Variants in CTNNA2 observed in about 807,000 individuals in gnomAD.
CTNNA2 encodes the protein catenin alpha-2.
CTNNA2 carries 42 observed loss-of-function variants against 101.0 expected under a neutral mutation model. The observed-to-expected ratio is 0.42, with a 90% CI of 0.32 to 0.54. The LOEUF (loss-of-function observed/expected upper bound fraction) is 0.54. Among genes scored for constraint, CTNNA2 ranks in the 20% least tolerant of loss-of-function variants. CTNNA2 has a pLI of 0.14. For synonymous variants in CTNNA2, 450 were observed against 456.4 expected (o/e 0.99, Z 0.18); for missense variants, 871 against 1,223.1 (o/e 0.71, Z 4.29).
At chr2:79,219,258 G>A (rs1674309200) in intron 2 of CTNNA2, among the ~76,000 whole-genome samples, 1 of 152,080 alleles carries the variant, frequency 6.6e-6, no homozygotes, top group Non-Finnish European at 1.5e-5. Context: ...TTTGTTCAGT[G>A]TTATAAATTA....
intron 2 of CTNNA2, among the ~76,000 whole-genome samples, chr2:79,711,196 T>A (rs992267824): frequency 2.0e-5 from 3 of 152,212 alleles, no homozygotes; most frequent in Non-Finnish European, 2.9e-5. Context: ...GTCTCTCAAC[T>A]GATATTATTT....
At chr2:79,695,003 C>T (rs1684562782) in intron 2 of CTNNA2, among the ~76,000 whole-genome samples, 1 of 150,138 alleles carries the variant, frequency 6.7e-6, no homozygotes, top group African/African-American at 2.5e-5. Flanking sequence ...GGTCTCAAGG[C>T]CGTATGAAAC....
intron 7 of CTNNA2, among the ~76,000 whole-genome samples, chr2:80,365,735 T>C (rs1358792291): frequency 6.6e-6 from 1 of 152,154 alleles, no homozygotes; most frequent in South Asian, 2.1e-4. Flanking sequence ...ACACTTACCA[T>C]TGTCATCTGA....
chr2:79,425,050 TAGAC>T (rs1032528995), intron 4 of CTNNA2, among the ~76,000 whole-genome samples: 23 of 152,100 alleles, frequency 1.5e-4, no homozygotes, highest in Admixed American at 2.0e-4. Flanking sequence ...TTTGGGCTGT[TAGAC>T]AGAGGGGAAA....
chr2:80,496,982 G>A (rs1687525558), intron 9 of CTNNA2, among the ~76,000 whole-genome samples: 1 of 152,148 alleles, frequency 6.6e-6, no homozygotes, highest in South Asian at 2.1e-4. Flanking sequence ...TGACTCAGGA[G>A]AAGCATGAAC....
chr2:79,777,341 G>GTA (rs1221888316), intron 3 of CTNNA2, among the ~76,000 whole-genome samples: 3 of 97,132 alleles, frequency 3.1e-5, no homozygotes, highest in Admixed American at 1.9e-4. Flanking sequence ...GTGTGTGTGT[G>GTA]TGTGTGTGTG....
intron 16 of CTNNA2, among the ~76,000 whole-genome samples, chr2:80,605,830 T>C (rs949844912): frequency 6.6e-6 from 1 of 151,968 alleles, no homozygotes; most frequent in East Asian, 1.9e-4. Context: ...GCTTATTGGT[T>C]GAGATAACTC....
At chr2:79,975,351 C>G (rs1054494282) in intron 7 of CTNNA2, among the ~76,000 whole-genome samples, 1 of 152,158 alleles carries the variant, frequency 6.6e-6, no homozygotes, top group East Asian at 1.9e-4. Context: ...TCTACTGTCA[C>G]AACACCGTCA....
intron 9 of CTNNA2, among the ~76,000 whole-genome samples, chr2:80,537,132 G>A (rs1190188104): frequency 5.3e-5 from 8 of 151,836 alleles, no homozygotes; most frequent in African/African-American, 1.9e-4. Flanking sequence ...GTGTCCATGT[G>A]TTGTCATTGT....
chr2:79,789,643 G>C (rs1013866453), intron 3 of CTNNA2, among the ~76,000 whole-genome samples: 1 of 152,000 alleles, frequency 6.6e-6, no homozygotes, highest in African/African-American at 2.4e-5. Flanking sequence ...GATGAGAATT[G>C]TATCTATGTG....
intron 3 of CTNNA2, among the ~76,000 whole-genome samples, chr2:79,796,003 T>C (rs116477194): frequency 1.6e-3 from 243 of 152,312 alleles, no homozygotes; most frequent in African/African-American, 5.4e-3. Flanking sequence ...TAAAATGTCT[T>C]AGTCATAAGA....
At chr2:79,972,783 A>G (rs1375961450) in intron 7 of CTNNA2, among the ~76,000 whole-genome samples, 1 of 152,184 alleles carries the variant, frequency 6.6e-6, no homozygotes, top group Non-Finnish European at 1.5e-5. Context: ...TGAAAGAAAC[A>G]AGGGAGAGTG....
At chr2:79,615,789 G>A (rs548155852) in intron 1 of CTNNA2, among the ~76,000 whole-genome samples, 3 of 152,282 alleles carry the variant, frequency 2.0e-5, no homozygotes, top group African/African-American at 7.2e-5. Context: ...GGTGTGAGGA[G>A]AATTCCTGGG....
rs554297305 is a variant in CTNNA2, at chr2:79,252,610, T to C, written c.-406+54534T>C. On this transcript the variant is annotated intron_variant, in intron 2 of 21. Transcript: ENST00000466387. The stretch of plus-strand genomic sequence containing the variant: ...CTTCATTTGTAAGTTTTTTTAATCA[T>C]ACACAGTCATATAGGTTTATATTCA... Among the ~76,000 whole-genome samples the C allele has an allele frequency of 2.0e-5, 3 of 152,304 alleles. No individual in the cohort carries two copies. In the East Asian group the frequency reaches 5.8e-4, roughly 29 times the overall value.
At chr2:80,070,632 G>A (rs367590281) in intron 7 of CTNNA2, among the ~76,000 whole-genome samples, 5 of 151,856 alleles carry the variant, frequency 3.3e-5, no homozygotes, top group Non-Finnish European at 5.9e-5. Flanking sequence ...AGGGAGGATC[G>A]CTTGAGCCTG....
intron 6 of CTNNA2, among the ~76,000 whole-genome samples, chr2:79,887,961 A>T (rs191293409): frequency 1.3e-5 from 2 of 152,218 alleles, no homozygotes; most frequent in East Asian, 3.9e-4. Context: ...CAAAGCATTA[A>T]GAAACACTCC....
At chr2:80,429,265 A>G (rs1487632796) in intron 9 of CTNNA2, among the ~76,000 whole-genome samples, 6 of 152,188 alleles carry the variant, frequency 3.9e-5, no homozygotes, top group Admixed American at 6.5e-5. Context: ...TTTTAAAATT[A>G]ACTATTTATA....
At position 80,126,459 on chromosome 2, in the gene CTNNA2, T is replaced by TTC. The variant is rs61295855; in HGVS notation, c.1056+216682_1056+216683dup. On this transcript the variant is annotated intron_variant, in intron 7 of 18. Transcript: ENST00000402739. ...AATCTCTTACCTCCAACTCCTACCATTCTCTCTCTCTCTCTCTCTCTGTCT... is the reference window on the plus strand; with the variant it reads ...AATCTCTTACCTCCAACTCCTACCATTCTCTCTCTCTCTCTCTCTCTCTGTCT... Among the ~76,000 whole-genome samples, 1,164 of 148,174 alleles carry TTC rather than the reference T, an allele frequency of 7.9e-3. 14 individuals are homozygous for TTC. Among genetic ancestry groups the TTC allele is most frequent in the African/African-American group, 0.025 (1,032 of 40,618 alleles).
At chr2:79,860,910 C>A (rs1024957450) in intron 4 of CTNNA2, among the ~76,000 whole-genome samples, 4 of 152,124 alleles carry the variant, frequency 2.6e-5, no homozygotes, top group African/African-American at 9.7e-5. Context: ...CTTCTCAGGA[C>A]GGATAAAGTA....
Sources: gnomAD v4.1 joint callset for allele counts (sites outside exome capture counted in the v4.1 genomes callset) on GRCh38, gnomAD v4.1.1 for gene constraint, MANE v1.5 for transcripts, NCBI Gene and HGNC (gene_info 2026-07-23, HGNC 2026-07-21) for gene names.